Variants in SPEG observed in about 807,000 individuals in gnomAD.
The protein encoded by SPEG is striated muscle enriched protein kinase, also known as striated muscle preferentially expressed protein kinase.
Under a neutral mutation model 300.4 loss-of-function variants are expected in SPEG, and 114 were observed. That is an observed-to-expected ratio of 0.38 (90% CI 0.33 to 0.44). The LOEUF is 0.44. Ranked by LOEUF, SPEG falls within the 20% of genes least tolerant of loss-of-function variation. The pLI, the probability that SPEG is intolerant of heterozygous loss-of-function variation, is 1.00. For missense variants in SPEG, 4,201 were observed against 4,586.2 expected (o/e 0.92, Z 2.43); for synonymous variants, 1,964 against 2,018.9 (o/e 0.97, Z 0.73).
At position 219,483,928 on chromosome 2, in the gene SPEG, G is replaced by A; in HGVS notation, c.6465G>A (p.Arg2155=). The change falls in exon 30 of 41, where the codon AGG becomes AGA. Residue 2155 remains arginine (R), a synonymous_variant. Transcript: ENST00000312358. ...CGCCCCTCGAGATCCCCGTGGCCAGGCTTGGGGCCCGTAGGCTACAGGAGT... is the reference window on the plus strand; with the variant it reads ...CGCCCCTCGAGATCCCCGTGGCCAGACTTGGGGCCCGTAGGCTACAGGAGT... ...AGAPLEIPVA[R]LGARRLQESP... is the part of the protein sequence containing the mutation. The A allele has an allele frequency of 6.2e-7, 1 of 1,604,810 alleles. No individual in the cohort carries two copies. The highest frequency in any genetic ancestry group is 8.5e-7 in the Non-Finnish European group (1 of 1,179,706).
chr2:219,462,049 A>T lies in SPEG; in HGVS notation c.2608A>T (p.Thr870Ser). The change falls in exon 7 of 41, where the codon ACC (threonine) becomes TCC (serine). Residue 870 changes from threonine (T) to serine (S), a missense_variant. Coordinates refer to ENST00000312358, the MANE Select transcript of SPEG (RefSeq NM_005876.5). ...SSDTGSKAPP[T>S]FKVSLMDQSV... ...TGACACTGGCTCCAAGGCACCCCCC[A>T]CCTTCAAGGTCAGACCCCTGAGGCT... is the stretch of plus-strand genomic sequence containing the variant. 1 of 1,600,430 alleles carries T rather than the reference A, an allele frequency of 6.2e-7. No homozygotes were observed. The highest frequency in any genetic ancestry group is 8.5e-7 in the Non-Finnish European group (1 of 1,175,244).
intron 18 of SPEG, among the ~76,000 whole-genome samples, chr2:219,475,292 C>T (rs7593469): frequency 0.087 from 13,243 of 152,134 alleles, 1,678 homozygotes; most frequent in African/African-American, 0.28. Flanking sequence ...AAGAAAGTGA[C>T]ATTTTACTTA....
rs753828803 is a variant in SPEG at position 219,473,936 on chromosome 2, C to T, written c.4447+33C>T. 6 of 1,578,986 alleles carry T rather than the reference C, an allele frequency of 3.8e-6. No homozygotes were observed. In the African/African-American group the frequency reaches 8.0e-5, roughly 21 times the overall value. On this transcript the variant is annotated intron_variant, in intron 18 of 40. Coordinates refer to ENST00000312358, the MANE Select transcript of SPEG (RefSeq NM_005876.5). The surrounding 1 kb of genome is among the most constrained non-coding windows in gnomAD (Gnocchi z 4.6). ...ACAGCGGGCCTTCTTCCTAGCCTCC[C>T]TCCAAGGCCCAAAGCTCTCTACTCA...
Position 219,468,727 on chromosome 2 carries a change from A to T in SPEG, c.3292A>T (p.Thr1098Ser), listed in dbSNP as rs1691598815. 6.2e-7 allele frequency: 1 copy of T among 1,613,866 alleles called. No individual in the cohort carries two copies. The highest frequency in any genetic ancestry group is 1.1e-5 in the South Asian group (1 of 91,068). Residue 1098 changes from threonine (T) to serine (S), a missense_variant, in exon 11 of 41, where the codon ACT becomes TCT. Thr to Ser is a moderately conservative substitution (Grantham distance 58). Around this residue, in one of 4 missense-constraint regions of SPEG, gnomAD observed 1,047 missense variants for 1,356.8 expected, o/e 0.77. Transcript: ENST00000312358. ...CACCCCGCCCCCTGTTGTTACCTGG[A>T]CTCATTTTGGTACGGCCCCTGTGCT... ...SGTPPPVVTWTHFGCPMEESE... is the reference protein window; with the variant it reads ...SGTPPPVVTWSHFGCPMEESE...
intron 1 of SPEG, among the ~76,000 whole-genome samples, chr2:219,436,891 A>T (rs1954733588): frequency 6.6e-6 from 1 of 152,236 alleles, no homozygotes. Flanking sequence ...AAAATAGAAC[A>T]TAGATCAAAG....
Position 219,462,289 on chromosome 2 carries a change from C to T in SPEG, c.2617-9C>T, listed in dbSNP as rs1234021501. ...GTCTTCCCCTGACACTTTGGGGTAC[C>T]CCCTTCAGGTCTCACTTATGGACCA... On this transcript the variant is annotated splice_polypyrimidine_tract_variant and intron_variant, in intron 7 of 40. Coordinates refer to ENST00000312358, the MANE Select transcript of SPEG (RefSeq NM_005876.5). The T allele has an allele frequency of 1.3e-6, 2 of 1,557,344 alleles. No homozygotes were observed. The highest frequency in any genetic ancestry group is 1.9e-5 in the Admixed American group (1 of 52,030).
intron 4 of SPEG, among the ~76,000 whole-genome samples, chr2:219,450,328 G>C (rs1203740548): frequency 6.6e-6 from 1 of 152,210 alleles, no homozygotes; most frequent in African/African-American, 2.4e-5. Flanking sequence ...CAAAACTGAG[G>C]CTCAGAGAGG....
Position 219,492,275 on chromosome 2 carries a change from C to T in SPEG, c.9611+15C>T, listed in dbSNP as rs554621393. ...GTACATCCCTGGTGAGTGAGCCCCA[C>T]ACCTGCTATCCCCCAGTGTTACCTG... On this transcript the variant is annotated intron_variant, in intron 40 of 40. Coordinates refer to ENST00000312358, the MANE Select transcript of SPEG (RefSeq NM_005876.5). 4.3e-5 allele frequency: 69 copies of T among 1,606,804 alleles called. No homozygotes were observed. In the South Asian group the frequency reaches 4.9e-4, roughly 11 times the overall value.
At chr2:219,460,238 C>T in intron 6 of SPEG, 1 of 914,912 alleles carries the variant, frequency 1.1e-6, no homozygotes, top group Non-Finnish European at 1.3e-6. Flanking sequence ...GGATTCTGGG[C>T]CCCCTCAGAT....
Position 219,479,927 on chromosome 2 carries a change from C to A in SPEG, c.5164-35C>A. ...AGGAGGTGAAGCATCCTTCCTTGTT[C>A]ATTTGGCCCGCACACCTCGCCTTGT... On this transcript the variant is annotated intron_variant, in intron 24 of 40. Transcript: ENST00000312358. This position sits in a 1 kb window ranked among gnomAD's most constrained non-coding sequence, Gnocchi z 5.5. The A allele has an allele frequency of 6.2e-7, 1 of 1,614,146 alleles. No individual in the cohort carries two copies. Among genetic ancestry groups the A allele is most frequent in the Non-Finnish European group, 8.5e-7 (1 of 1,180,008 alleles).
rs183551699 is a variant in SPEG, at chr2:219,484,155, C to A, written c.6692C>A (p.Pro2231His). The change falls in exon 30 of 41, where the codon CCC (proline) becomes CAC (histidine). Residue 2231 changes from proline to histidine, a missense_variant. Coordinates refer to ENST00000312358, the MANE Select transcript of SPEG (RefSeq NM_005876.5). The part of the protein sequence containing the change: ...EPVRASKPAP[P>H]PQALQTLALP... ...GTCCGAGCCTCCAAGCCTGCACCAC[C>A]CCCCCAGGCCCTGCAAACCCTAGCG... The A allele has an allele frequency of 2.7e-3, 4,386 of 1,613,618 alleles. 85 individuals are homozygous for A. In the African/African-American group the frequency reaches 0.046, roughly 17 times the overall value.
In SPEG at chr2:219,443,745, T is replaced by G. The variant is rs1689084713; in HGVS notation, c.389-908T>G. ...TGCGGCTGGACTGGACACAAGCAGGTGTGTGTGTGTGTGTGTGCATGTGTG... is the reference window on the plus strand; with the variant it reads ...TGCGGCTGGACTGGACACAAGCAGGGGTGTGTGTGTGTGTGTGCATGTGTG... On this transcript the variant is annotated intron_variant, in intron 1 of 40. Transcript: ENST00000312358. This position sits in a 1 kb window ranked among gnomAD's most constrained non-coding sequence, Gnocchi z 4.6. 2 of 240,178 alleles carry G rather than the reference T, an allele frequency of 8.3e-6. No homozygotes were observed. Among genetic ancestry groups the G allele is most frequent in the East Asian group, 1.2e-4 (1 of 8,566 alleles). 14.9% of individuals were successfully genotyped at this position (240,178 alleles called of 1,614,324 possible). A position where few individuals can be genotyped will look rare whatever the true frequency, so the allele number is the denominator to read the frequency against.
At chr2:219,482,673 TC>T in intron 28 of SPEG, 110 bp from the exon 29 acceptor site, 1 of 896,764 alleles carries the variant, frequency 1.1e-6, no homozygotes, top group Non-Finnish European at 1.8e-6. Flanking sequence ...TCAGTGCTGC[TC>T]GATCCACTCT....
At position 219,473,571 on chromosome 2, in the gene SPEG, G is replaced by A; in HGVS notation, c.4215G>A (p.Gln1405=). The part of the protein sequence containing the change: ...KPDIVYVVEG[Q]PASVTVTFNH... ...ACATCGTGTATGTGGTGGAGGGACA[G>A]CCTGCCAGCGTCACCGTCACATTCA... Residue 1405 remains glutamine (Q), a synonymous_variant, in exon 17 of 41, where the codon CAG becomes CAA. Transcript: ENST00000312358. This position sits in a 1 kb window ranked among gnomAD's most constrained non-coding sequence, Gnocchi z 4.6. 1 of 1,614,232 alleles carries A rather than the reference G, an allele frequency of 6.2e-7. No homozygotes were observed. Among genetic ancestry groups the A allele is most frequent in the Non-Finnish European group, 8.5e-7 (1 of 1,180,048 alleles).
chr2:219,488,409 A>T (rs1575189943), intron 32 of SPEG, 89 bp from the exon 33 acceptor site: 1 of 1,390,922 alleles, frequency 7.2e-7, no homozygotes, highest in Non-Finnish European at 9.9e-7. Context: ...GAGCACGGTT[A>T]GGGGGGATGC....
chr2:219,452,665 C>T (rs561069130), intron 6 of SPEG, among the ~76,000 whole-genome samples: 94 of 152,190 alleles, frequency 6.2e-4, no homozygotes, highest in Non-Finnish European at 1.0e-3. Context: ...ACATCCGAGC[C>T]GTTGCTTAGT....
At chr2:219,454,251 T>G (rs968898139) in intron 6 of SPEG, among the ~76,000 whole-genome samples, 2 of 152,200 alleles carry the variant, frequency 1.3e-5, no homozygotes, top group African/African-American at 4.8e-5. Flanking sequence ...GACCATGGTT[T>G]AGGGGCAGGG....
In SPEG at chr2:219,451,168, G is replaced by A; in HGVS notation, c.2146G>A (p.Glu716Lys). 1 of 1,613,802 alleles carries A rather than the reference G, an allele frequency of 6.2e-7. No homozygotes were observed. Among genetic ancestry groups the A allele is most frequent in the Non-Finnish European group, 8.5e-7 (1 of 1,179,890 alleles). ...GGATGACTCCTACGTGTCCGCTGGA[G>A]AAGAGCCCCTAGAGGCCCCTGTGTT... is the stretch of plus-strand genomic sequence containing the variant. ...SSDDSYVSAG[E>K]EPLEAPVFEI... The change falls in exon 5 of 41, where the codon GAA becomes AAA. Residue 716 changes from glutamate to lysine, a missense_variant. Physicochemically the swap from Glu to Lys is moderately conservative, Grantham distance 56. Around this residue, in one of 4 missense-constraint regions of SPEG, gnomAD observed 1,258 missense variants for 1,293.9 expected, o/e 0.97. Transcript: ENST00000312358. This position sits in a 1 kb window ranked among gnomAD's most constrained non-coding sequence, Gnocchi z 6.4.
In SPEG at chr2:219,445,831, A is replaced by G. The variant is rs950446975; in HGVS notation, c.815+670A>G. ...GAGTGATGGTGGCAGGGGGCTTGCA[A>G]TGATTTCTCTCATGGGAAACCCCTA... On this transcript the variant is annotated intron_variant, in intron 3 of 40. Transcript: ENST00000312358. The surrounding 1 kb of genome is among the most constrained non-coding windows in gnomAD (Gnocchi z 6.1). 2 of 155,244 alleles carry G rather than the reference A, an allele frequency of 1.3e-5. No homozygotes were observed. Among genetic ancestry groups the G allele is most frequent in the African/African-American group, 2.4e-5 (1 of 41,308 alleles). The allele number at this position is 155,244 out of a possible 1,614,324, so 9.6% of individuals were successfully genotyped here.
Sources: allele counts gnomAD v4.1 joint callset (sites outside exome capture counted in the v4.1 genomes callset), GRCh38; gene constraint gnomAD v4.1.1; regional missense constraint gnomAD v4.1.1; non-coding constraint Gnocchi (gnomAD v3.1); transcripts MANE v1.5; gene names NCBI Gene and HGNC (gene_info 2026-07-23, HGNC 2026-07-21).